FYN: variants seen among roughly 807,000 people sequenced by gnomAD.
FYN encodes the protein tyrosine-protein kinase Fyn.
A neutral mutation model predicts 70.2 loss-of-function variants in FYN; 10 were observed. The ratio of observed to expected loss-of-function variants is 0.14; its 90% CI spans 0.09 to 0.24. The LOEUF (loss-of-function observed/expected upper bound fraction) is 0.24. Ranked by LOEUF, FYN falls within the 10% of genes least tolerant of loss-of-function variation. The probability of loss-of-function intolerance (pLI) is 1.00; values close to 1 mark genes in which losing one functional copy is unlikely to be tolerated. For missense variants in FYN, 319 were observed against 673.1 expected (o/e 0.47, Z 5.82); for synonymous variants, 236 against 248.6 (o/e 0.95, Z 0.48).
intron 1 of FYN, among the ~76,000 whole-genome samples, chr6:111,870,157 T>G (rs1774230261): frequency 6.6e-6 from 1 of 152,210 alleles, no homozygotes; most frequent in Non-Finnish European, 1.5e-5. Context: ...GCCATATAAC[T>G]AGCCCTCAAG....
intron 2 of FYN, among the ~76,000 whole-genome samples, chr6:111,809,704 G>A (rs1772263743): frequency 6.6e-6 from 1 of 152,190 alleles, no homozygotes; most frequent in South Asian, 2.1e-4. Flanking sequence ...CTTCAGGCAT[G>A]GGCCTCTCTT....
At chr6:111,726,674 A>C (rs893874304) in intron 3 of FYN, among the ~76,000 whole-genome samples, 1 of 152,156 alleles carries the variant, frequency 6.6e-6, no homozygotes, top group African/African-American at 2.4e-5. Flanking sequence ...ATAGGGAAGA[A>C]TTGGTTCCAC....
chr6:111,867,714 T>C (rs942628018), intron 1 of FYN, among the ~76,000 whole-genome samples: 2 of 152,132 alleles, frequency 1.3e-5, no homozygotes, highest in African/African-American at 4.8e-5. Flanking sequence ...CCTCCTTTCC[T>C]TCCATTTAGA....
In FYN at chr6:111,861,468, C is replaced by T. The variant is rs73764310; in HGVS notation, c.-123+11500G>A. 6.3e-3 allele frequency among the ~76,000 whole-genome samples: 964 copies of T among 152,254 alleles called. 6 individuals carry two copies. The highest frequency in any genetic ancestry group is 0.022 in the African/African-American group (923 of 41,534). On this transcript the variant is annotated intron_variant, in intron 1 of 13. Transcript: ENST00000354650. ...GCAGAAAAAGCACTTAAATAATAGA[C>T]GGCGTATGGTTAAGCAAGGAAAAAA...
intron 3 of FYN, among the ~76,000 whole-genome samples, chr6:111,774,645 T>C (rs909461292): frequency 6.6e-6 from 1 of 151,392 alleles, no homozygotes; most frequent in African/African-American, 2.4e-5. Flanking sequence ...GGTGATAACA[T>C]TGCACTGCCT....
intron 2 of FYN, among the ~76,000 whole-genome samples, chr6:111,782,743 A>C (rs1771221780): frequency 6.6e-6 from 1 of 152,196 alleles, no homozygotes; most frequent in South Asian, 2.1e-4. Context: ...TTGAATAGAC[A>C]AGACACAACT....
At chr6:111,837,864 T>TAAAGCAAATA (rs1773238068) in intron 2 of FYN, among the ~76,000 whole-genome samples, 1 of 152,210 alleles carries the variant, frequency 6.6e-6, no homozygotes, top group Non-Finnish European at 1.5e-5. Context: ...GGCAGCCTTA[T>TAAAGCAAATA]CTGGAGGGAC....
intron 1 of FYN, among the ~76,000 whole-genome samples, chr6:111,846,883 A>AT (rs1279657891): frequency 6.6e-6 from 1 of 152,228 alleles, no homozygotes; most frequent in Non-Finnish European, 1.5e-5. Flanking sequence ...ATCAGGAAAG[A>AT]TAAGGATAGA....
chr6:111,668,390 C>T (rs1272668179), intron 13 of FYN, among the ~76,000 whole-genome samples: 1 of 151,826 alleles, frequency 6.6e-6, no homozygotes, highest in Non-Finnish European at 1.5e-5. Context: ...TGTTTTTATT[C>T]AGCCCATTGT....
At chr6:111,725,135 C>T (rs940709522) in intron 3 of FYN, among the ~76,000 whole-genome samples, 11 of 152,158 alleles carry the variant, frequency 7.2e-5, no homozygotes, top group Non-Finnish European at 1.6e-4. Flanking sequence ...TGGCAGAGGG[C>T]TCTTGATCCT....
intron 3 of FYN, among the ~76,000 whole-genome samples, chr6:111,732,231 G>C (rs1237535898): frequency 6.6e-6 from 1 of 152,198 alleles, no homozygotes; most frequent in Non-Finnish European, 1.5e-5. Flanking sequence ...AAAAGTTATG[G>C]TGAAGCAATT....
chr6:111,784,564 C>T (rs1771295627), intron 2 of FYN, among the ~76,000 whole-genome samples: 1 of 152,196 alleles, frequency 6.6e-6, no homozygotes, highest in Non-Finnish European at 1.5e-5. Flanking sequence ...TGAACACTTT[C>T]CAAATTATTT....
At chr6:111,747,675 T>C (rs1043919078) in intron 3 of FYN, among the ~76,000 whole-genome samples, 1 of 152,166 alleles carries the variant, frequency 6.6e-6, no homozygotes, top group East Asian at 1.9e-4. Context: ...AAAGACACAA[T>C]GGAAACGAAA....
chr6:111,706,366 G>C (rs1362809881), intron 6 of FYN, among the ~76,000 whole-genome samples: 1 of 152,196 alleles, frequency 6.6e-6, no homozygotes, highest in Non-Finnish European at 1.5e-5. Flanking sequence ...TTGAATATAG[G>C]TATCATGAGT....
intron 3 of FYN, among the ~76,000 whole-genome samples, chr6:111,739,014 T>C (rs1248356088): frequency 1.3e-5 from 2 of 152,184 alleles, no homozygotes; most frequent in Admixed American, 1.3e-4. Flanking sequence ...CTGCCAAGAA[T>C]GGCTTCTCTC....
intron 13 of FYN, among the ~76,000 whole-genome samples, chr6:111,664,399 A>G (rs936046798): frequency 2.0e-5 from 3 of 152,058 alleles, no homozygotes; most frequent in Admixed American, 2.0e-4. Context: ...TCACTCTCCT[A>G]TTGCTCCACA....
intron 2 of FYN, among the ~76,000 whole-genome samples, chr6:111,834,467 T>G (rs9387042): frequency 0.34 from 51,701 of 152,000 alleles, 13,135 homozygotes; most frequent in African/African-American, 0.72. Flanking sequence ...CTCGTCTTAG[T>G]TGGAGCACTT....
At chr6:111,670,641 T>A (rs1193574045) in intron 13 of FYN, among the ~76,000 whole-genome samples, 7 of 149,992 alleles carry the variant, frequency 4.7e-5, no homozygotes, top group Non-Finnish European at 7.4e-5. Flanking sequence ...TATGTAGAAT[T>A]ACGTTTTCTA....
chr6:111,834,909 C>T (rs1352669527), intron 2 of FYN, among the ~76,000 whole-genome samples: 1 of 152,186 alleles, frequency 6.6e-6, no homozygotes, highest in Non-Finnish European at 1.5e-5. Flanking sequence ...ATCTCTCAGA[C>T]ACCCAGACTC....
Sources: gnomAD v4.1 joint callset for allele counts (sites outside exome capture counted in the v4.1 genomes callset) on GRCh38, gnomAD v4.1.1 for gene constraint, MANE v1.5 for transcripts, NCBI Gene and HGNC (gene_info 2026-07-23, HGNC 2026-07-21) for gene names.